Variants in SHISA9 observed in about 807,000 individuals in gnomAD.
SHISA9 encodes the protein shisa family member 9, also known as protein shisa-9.
A neutral mutation model predicts 38.0 loss-of-function variants in SHISA9; 13 were observed. The observed-to-expected ratio is 0.34, with a 90% CI of 0.22 to 0.54. SHISA9 has a LOEUF of 0.54. Ranked by LOEUF, SHISA9 falls within the 20% of genes least tolerant of loss-of-function variation. The pLI is 0.91. For synonymous variants in SHISA9, 275 were observed against 242.0 expected, an observed-to-expected ratio of 1.14 and a Z score of -1.27; for missense variants, 538 against 575.8, an observed-to-expected ratio of 0.93 and a Z score of 0.67.
At chr16:13,320,467 T>C in the SHISA9 span, among the ~76,000 whole-genome samples, 3 of 152,142 alleles carry the variant, frequency 2.0e-5, no homozygotes, top group Non-Finnish European at 4.4e-5. Flanking sequence ...TGTTAAACTC[T>C]TTGGGTGCTA....
At chr16:13,231,600 G>C (rs953640982) in intron 4 of SHISA9, among the ~76,000 whole-genome samples, 1 of 152,172 alleles carries the variant, frequency 6.6e-6, no homozygotes, top group Non-Finnish European at 1.5e-5. Context: ...AGTTTCTCTT[G>C]AAAGGCTTTA....
the SHISA9 span, among the ~76,000 whole-genome samples, chr16:13,432,060 C>T: frequency 7.9e-5 from 12 of 152,070 alleles, no homozygotes; most frequent in Admixed American, 5.2e-4. Flanking sequence ...GACTTCATTT[C>T]GAAACAAACA....
the SHISA9 span, among the ~76,000 whole-genome samples, chr16:13,326,597 T>A: frequency 1.3e-3 from 200 of 152,298 alleles, 1 homozygote; most frequent in Non-Finnish European, 2.1e-3. Context: ...GTCGCATGCC[T>A]GTAATCCCAG....
chr16:13,449,635 G>T, the SHISA9 span, among the ~76,000 whole-genome samples: 2 of 152,056 alleles, frequency 1.3e-5, no homozygotes, highest in Admixed American at 1.3e-4. Flanking sequence ...CAGCATATTT[G>T]CCCTTCCATT....
chr16:13,023,088 T>C (rs2072877278), intron 2 of SHISA9, among the ~76,000 whole-genome samples: 1 of 152,212 alleles, frequency 6.6e-6, no homozygotes, highest in Non-Finnish European at 1.5e-5. Flanking sequence ...GATACATAGG[T>C]ATACATGTGC....
chr16:13,311,884 C>T, the SHISA9 span, among the ~76,000 whole-genome samples: 1 of 152,140 alleles, frequency 6.6e-6, no homozygotes, highest in African/African-American at 2.4e-5. Flanking sequence ...TATAGGATTG[C>T]TGTGAAAATT....
intron 4 of SHISA9, among the ~76,000 whole-genome samples, chr16:13,223,340 G>T (rs1284171449): frequency 6.6e-6 from 1 of 152,128 alleles, no homozygotes; most frequent in Admixed American, 6.5e-5. Flanking sequence ...TGAGGTGGGA[G>T]GATCACTTGA....
chr16:13,536,263 C>A, the SHISA9 span, among the ~76,000 whole-genome samples: 1 of 152,170 alleles, frequency 6.6e-6, no homozygotes, highest in Non-Finnish European at 1.5e-5. Context: ...TCCCAAAGTG[C>A]TGGGATTACA....
At chr16:12,963,916 T>G (rs376055756) in intron 2 of SHISA9, among the ~76,000 whole-genome samples, 26 of 152,362 alleles carry the variant, frequency 1.7e-4, no homozygotes, top group African/African-American at 5.3e-4. Context: ...ACCATTTATG[T>G]AATCCCTTCC....
At chr16:12,958,116 C>G (rs2071860804) in intron 2 of SHISA9, among the ~76,000 whole-genome samples, 1 of 152,228 alleles carries the variant, frequency 6.6e-6, no homozygotes, top group Non-Finnish European at 1.5e-5. Flanking sequence ...AGTTGCTACA[C>G]TCTTTTGCCC....
chr16:13,367,750 C>CACACACA, the SHISA9 span, among the ~76,000 whole-genome samples: 1 of 127,820 alleles, frequency 7.8e-6, no homozygotes, highest in African/African-American at 3.0e-5. Flanking sequence ...ACACACACAC[C>CACACACA]CCTGAATTTG....
the SHISA9 span, among the ~76,000 whole-genome samples, chr16:13,275,597 C>G: frequency 1.3e-5 from 2 of 152,002 alleles, no homozygotes; most frequent in Admixed American, 1.3e-4. Context: ...TTATGCTGGC[C>G]TCATAAAACA....
At chr16:13,546,536 G>T in the SHISA9 span, among the ~76,000 whole-genome samples, 1 of 152,136 alleles carries the variant, frequency 6.6e-6, no homozygotes, top group African/African-American at 2.4e-5. Context: ...AACATTAAAT[G>T]TATACAGACT....
chr16:13,037,180 C>T (rs1461471152), intron 2 of SHISA9, among the ~76,000 whole-genome samples: 4 of 147,868 alleles, frequency 2.7e-5, no homozygotes, highest in Non-Finnish European at 3.0e-5. Context: ...ATTCTGAAAG[C>T]GGAAAGGACA....
At chr16:13,434,305 T>G in the SHISA9 span, among the ~76,000 whole-genome samples, 1 of 152,162 alleles carries the variant, frequency 6.6e-6, no homozygotes, top group Non-Finnish European at 1.5e-5. Flanking sequence ...GACTCAGATG[T>G]TCATCTCCTT....
the SHISA9 span, among the ~76,000 whole-genome samples, chr16:13,396,633 A>G: frequency 6.6e-6 from 1 of 152,228 alleles, no homozygotes; most frequent in Non-Finnish European, 1.5e-5. Context: ...GAAATCTGGC[A>G]TGTGGATTGT....
the SHISA9 span, among the ~76,000 whole-genome samples, chr16:13,276,473 T>A: frequency 6.6e-6 from 1 of 152,072 alleles, no homozygotes; most frequent in African/African-American, 2.4e-5. Context: ...CTACTTTCAG[T>A]TCTTTAAGTA....
chr16:13,028,895 C>T (rs1282029303), intron 2 of SHISA9, among the ~76,000 whole-genome samples: 1 of 152,076 alleles, frequency 6.6e-6, no homozygotes, highest in Non-Finnish European at 1.5e-5. Context: ...GTCAACACTT[C>T]AAAACTACAT....
At chr16:13,013,874 C>A (rs2072709583) in intron 2 of SHISA9, among the ~76,000 whole-genome samples, 1 of 152,142 alleles carries the variant, frequency 6.6e-6, no homozygotes, top group Non-Finnish European at 1.5e-5. Context: ...ACTACAGGTG[C>A]CCGCCACCAG....
Sources: gnomAD v4.1 joint callset for allele counts (sites outside exome capture counted in the v4.1 genomes callset) on GRCh38, gnomAD v4.1.1 for gene constraint, MANE v1.5 for transcripts, NCBI Gene and HGNC (gene_info 2026-07-23, HGNC 2026-07-21) for gene names.